Variants in SLC44A5 observed in about 807,000 individuals in gnomAD.
The protein encoded by SLC44A5 is solute carrier family 44 member 5.
Under a neutral mutation model 101.8 loss-of-function variants are expected in SLC44A5, and 57 were observed. The ratio of observed to expected loss-of-function variants is 0.56; its 90% CI spans 0.45 to 0.70. SLC44A5 has a LOEUF of 0.70. Among genes scored for constraint, SLC44A5 ranks in the 30% least tolerant of loss-of-function variants. The pLI is 0.00. For synonymous variants in SLC44A5, 281 were observed against 290.9 expected (o/e 0.97, Z 0.35); for missense variants, 737 against 853.1 (o/e 0.86, Z 1.70).
intron 23 of SLC44A5, chr1:75,206,003 A>T (rs1055594695): frequency 2.2e-4 from 33 of 152,180 alleles, no homozygotes; most frequent in Admixed American, 2.2e-3. Flanking sequence ...AAGGTTCCAT[A>T]GTATTTTTTA....
intron 2 of SLC44A5, among the ~76,000 whole-genome samples, chr1:75,400,040 G>A (rs79910962): frequency 0.018 from 2,669 of 152,260 alleles, 81 homozygotes; most frequent in African/African-American, 0.061. Context: ...CAGCAACGTG[G>A]GTGAAGCTGG....
the SLC44A5 span, among the ~76,000 whole-genome samples, chr1:75,649,768 A>G: frequency 2.0e-5 from 3 of 152,156 alleles, no homozygotes; most frequent in South Asian, 6.2e-4. Context: ...TTTAAACACT[A>G]TGCCTGAGAA....
At chr1:75,688,795 T>G in the SLC44A5 span, among the ~76,000 whole-genome samples, 1 of 152,180 alleles carries the variant, frequency 6.6e-6, no homozygotes, top group Non-Finnish European at 1.5e-5. Context: ...CAATCTCTAA[T>G]TGAGAAGTTT....
At chr1:75,274,890 T>C (rs1651791198) in intron 6 of SLC44A5, 68 bp downstream of exon 6, 3 of 1,244,404 alleles carry the variant, frequency 2.4e-6, no homozygotes, top group Non-Finnish European at 3.5e-6. Context: ...GTAGGATTAC[T>C]GTAAAAGTGA....
the SLC44A5 span, among the ~76,000 whole-genome samples, chr1:75,682,764 TTAAAC>T: frequency 6.6e-6 from 1 of 151,804 alleles, no homozygotes; most frequent in African/African-American, 2.4e-5. Flanking sequence ...TGGGATCTAA[TTAAAC>T]TAAAGAGCTT....
In SLC44A5 at chr1:75,238,508, C is replaced by A; in HGVS notation, c.656+5G>T. 1 of 1,587,162 alleles carries A rather than the reference C, an allele frequency of 6.3e-7. No homozygotes were observed. Among genetic ancestry groups the A allele is most frequent in the Non-Finnish European group, 8.6e-7 (1 of 1,168,778 alleles). Reference sequence around the variant, plus strand: ...AACTGAAAATTAGAATGTAAACACACATACTTTGCAGCAATCCCGAGTTCT... The same window carrying A: ...AACTGAAAATTAGAATGTAAACACAAATACTTTGCAGCAATCCCGAGTTCT... On this transcript the variant is annotated splice_donor_5th_base_variant and intron_variant, in intron 10 of 23. Transcript: ENST00000370859.
intron 6 of SLC44A5, among the ~76,000 whole-genome samples, chr1:75,263,681 G>T (rs1465392473): frequency 6.6e-6 from 1 of 152,098 alleles, no homozygotes; most frequent in African/African-American, 2.4e-5. Flanking sequence ...ACATACACAC[G>T]TATGTTTATT....
intron 2 of SLC44A5, among the ~76,000 whole-genome samples, chr1:75,474,306 T>C (rs1321528652): frequency 3.3e-5 from 5 of 152,214 alleles, no homozygotes; most frequent in Admixed American, 3.3e-4. Flanking sequence ...ATTCATTCTG[T>C]TTTATTATTA....
chr1:75,430,743 C>T (rs1190586566), intron 2 of SLC44A5, among the ~76,000 whole-genome samples: 1 of 152,154 alleles, frequency 6.6e-6, no homozygotes, highest in African/African-American at 2.4e-5. Context: ...TTTTAACCAG[C>T]ACATCAGGAA....
rs926717505 is a variant in SLC44A5, at chr1:75,203,103, A to G, written c.*624T>C. ...AAACATTGCAGGTTTTAATTTTTTA[A>G]AAAACAATGTTTGTAAACTTGCCCA... is the stretch of plus-strand genomic sequence containing the variant. On this transcript the variant is annotated 3_prime_UTR_variant, in exon 24 of 24. Coordinates refer to ENST00000370859, the MANE Select transcript of SLC44A5 (RefSeq NM_001130058.2). The G allele has an allele frequency of 6.6e-6, 1 of 152,230 alleles. No individual in the cohort carries two copies. The highest frequency in any genetic ancestry group is 1.5e-5 in the Non-Finnish European group (1 of 68,028). The allele number at this position is 152,230 out of a possible 1,614,324, so 9.4% of individuals were successfully genotyped here. A position where few individuals can be genotyped will look rare whatever the true frequency, so the allele number is the denominator to read the frequency against.
the SLC44A5 span, among the ~76,000 whole-genome samples, chr1:75,678,485 C>A: frequency 6.6e-6 from 1 of 151,662 alleles, no homozygotes. Flanking sequence ...CTGGGAGGCA[C>A]CCTCCAGCAG....
At chr1:75,392,213 T>G (rs1188309064) in intron 3 of SLC44A5, among the ~76,000 whole-genome samples, 1 of 151,866 alleles carries the variant, frequency 6.6e-6, no homozygotes, top group Admixed American at 6.6e-5. Flanking sequence ...CAAGAGAAAC[T>G]ATCAACAGGT....
intron 2 of SLC44A5, among the ~76,000 whole-genome samples, chr1:75,417,563 A>G (rs1190057544): frequency 6.6e-6 from 1 of 152,264 alleles, no homozygotes; most frequent in East Asian, 1.9e-4. Flanking sequence ...TGGCAAAAGA[A>G]ACAGAAGTCA....
At chr1:75,665,459 T>C in the SLC44A5 span, among the ~76,000 whole-genome samples, 1 of 152,210 alleles carries the variant, frequency 6.6e-6, no homozygotes, top group African/African-American at 2.4e-5. Flanking sequence ...TAACTCAAGA[T>C]GGATGAAATA....
chr1:75,478,126 C>T (rs1015399800), intron 2 of SLC44A5, among the ~76,000 whole-genome samples: 1 of 152,166 alleles, frequency 6.6e-6, no homozygotes, highest in African/African-American at 2.4e-5. Context: ...GAATTGTCAA[C>T]CCAGAATTTC....
chr1:75,248,542 G>A (rs1226486478), intron 7 of SLC44A5, among the ~76,000 whole-genome samples: 3 of 152,052 alleles, frequency 2.0e-5, no homozygotes, highest in Non-Finnish European at 4.4e-5. Flanking sequence ...TCTTCTGAAT[G>A]CTTGTACTTG....
At chr1:75,555,453 A>G (rs1347902376) in intron 1 of SLC44A5, among the ~76,000 whole-genome samples, 1 of 151,908 alleles carries the variant, frequency 6.6e-6, no homozygotes, top group Non-Finnish European at 1.5e-5. Flanking sequence ...AATTGACTAA[A>G]AAAAAGAGCA....
intron 5 of SLC44A5, among the ~76,000 whole-genome samples, chr1:75,294,518 A>G (rs1653809701): frequency 6.6e-6 from 1 of 152,170 alleles, no homozygotes. Context: ...TGTTGAAGAG[A>G]TATCTGTACT....
At chr1:75,358,787 T>C (rs1300065687) in intron 3 of SLC44A5, among the ~76,000 whole-genome samples, 1 of 152,180 alleles carries the variant, frequency 6.6e-6, no homozygotes, top group Admixed American at 6.5e-5. Flanking sequence ...ATGTATACAA[T>C]GTAGAATGAT....
Sources: allele counts gnomAD v4.1 joint callset (sites outside exome capture counted in the v4.1 genomes callset), GRCh38; gene constraint gnomAD v4.1.1; transcripts MANE v1.5; gene names NCBI Gene and HGNC (gene_info 2026-07-23, HGNC 2026-07-21).